Variants in SLC7A14 observed in about 807,000 individuals in gnomAD.
The protein encoded by SLC7A14 is gamma-aminobutyric acid transporter SLC7A14.
SLC7A14 carries 37 observed loss-of-function variants against 60.2 expected under a neutral mutation model. The ratio of observed to expected loss-of-function variants is 0.61; its 90% CI spans 0.47 to 0.81. SLC7A14 has a LOEUF of 0.81. Ranked by LOEUF, SLC7A14 falls within the 30% of genes least tolerant of loss-of-function variation. The probability of loss-of-function intolerance (pLI) is 0.00; values close to 1 mark genes in which losing one functional copy is unlikely to be tolerated. For missense variants in SLC7A14, 886 were observed against 982.7 expected (o/e 0.90, Z 1.32); for synonymous variants, 399 against 395.8 (o/e 1.01, Z -0.10).
chr3:170,570,693 T>G (rs11920566), intron 1 of SLC7A14, among the ~76,000 whole-genome samples: 1,755 of 152,268 alleles, frequency 0.012, 42 homozygotes, highest in African/African-American at 0.04. Context: ...TGGTAAAGTA[T>G]TTCATTGTGG....
At chr3:170,526,454 A>G (rs1441837603) in intron 2 of SLC7A14, among the ~76,000 whole-genome samples, 179 bp downstream of exon 2, 1 of 151,894 alleles carries the variant, frequency 6.6e-6, no homozygotes, top group African/African-American at 2.4e-5. Flanking sequence ...GGAAGCTACT[A>G]TAATTAAGTC....
chr3:170,497,773 C>T lies in SLC7A14; in HGVS notation c.759+894G>A, dbSNP rs544526264. ...TCCTAGAGAAAGAAACCAGGTGCAACTCACAGCCACTTGTCAGTATAAAGA... is the reference window on the plus strand; with the variant it reads ...TCCTAGAGAAAGAAACCAGGTGCAATTCACAGCCACTTGTCAGTATAAAGA... On this transcript the variant is annotated intron_variant, in intron 4 of 7. Transcript: ENST00000231706. Among the ~76,000 whole-genome samples, 8 of 152,348 alleles carry T rather than the reference C, an allele frequency of 5.3e-5. No individual in the cohort carries two copies. The East Asian group carries it at 1.5e-3, about 29-fold the overall frequency.
chr3:170,517,148 A>G (rs572695729), intron 2 of SLC7A14, among the ~76,000 whole-genome samples: 1 of 152,350 alleles, frequency 6.6e-6, no homozygotes, highest in Admixed American at 6.5e-5. Context: ...TTGCCTAATA[A>G]CAATAAAACT....
intron 2 of SLC7A14, among the ~76,000 whole-genome samples, chr3:170,511,147 T>C (rs1036238908): frequency 2.0e-5 from 3 of 152,168 alleles, no homozygotes; most frequent in Non-Finnish European, 4.4e-5. Context: ...CTCACGCTTG[T>C]AATCCCAGCA....
chr3:170,482,903 CTT>C (rs112513805), intron 6 of SLC7A14, among the ~76,000 whole-genome samples: 3 of 144,276 alleles, frequency 2.1e-5, no homozygotes, highest in Admixed American at 6.9e-5. Context: ...TCTTTGTTGA[CTT>C]TTTTTTTTTT....
At chr3:170,548,506 G>A (rs988129341) in intron 1 of SLC7A14, among the ~76,000 whole-genome samples, 2 of 152,144 alleles carry the variant, frequency 1.3e-5, no homozygotes, top group African/African-American at 4.8e-5. Flanking sequence ...CCCACCTCTG[G>A]GTCTTCACAG....
intron 5 of SLC7A14, among the ~76,000 whole-genome samples, chr3:170,485,571 C>T (rs1712000755): frequency 6.6e-6 from 1 of 152,094 alleles, no homozygotes; most frequent in African/African-American, 2.4e-5. Context: ...GGGATGGGAG[C>T]TCCGAGAGCA....
In SLC7A14 at chr3:170,463,645, C is replaced by A. The variant is rs7648588; in HGVS notation, c.*3410G>T. ...TGATCCTCCTCCCTCAGTCTCTCAA[C>A]TATCTGGGATCATAGGCACATGCCA... On this transcript the variant is annotated 3_prime_UTR_variant, in exon 8 of 8. Transcript: ENST00000231706. 53,384 of 152,156 alleles carry A rather than the reference C, an allele frequency of 0.35. 10,753 individuals carry two copies. Among genetic ancestry groups the A allele is most frequent in the Non-Finnish European group, 0.46 (31,537 of 68,048 alleles). The allele number at this position is 152,156 out of a possible 1,614,324, so 9.4% of individuals were successfully genotyped here. A position where few individuals can be genotyped will look rare whatever the true frequency, so the allele number is the denominator to read the frequency against.
intron 4 of SLC7A14, among the ~76,000 whole-genome samples, chr3:170,491,880 A>G (rs893219091): frequency 6.6e-6 from 1 of 152,202 alleles, no homozygotes; most frequent in Non-Finnish European, 1.5e-5. Context: ...ATGGAGAAGA[A>G]AGACCAACAC....
intron 2 of SLC7A14, among the ~76,000 whole-genome samples, chr3:170,523,424 G>T (rs1001807707): frequency 2.6e-5 from 4 of 151,918 alleles, no homozygotes; most frequent in Non-Finnish European, 5.9e-5. Flanking sequence ...AATTTCTACC[G>T]ATTCCACCAC....
At chr3:170,505,349 G>T (rs187088764) in intron 2 of SLC7A14, among the ~76,000 whole-genome samples, 553 of 152,276 alleles carry the variant, frequency 3.6e-3, no homozygotes, top group Middle Eastern at 0.02. Flanking sequence ...TGACGACTTC[G>T]TTGCGTCTCC....
intron 7 of SLC7A14, among the ~76,000 whole-genome samples, chr3:170,473,573 C>T (rs1711513574): frequency 6.6e-6 from 1 of 152,192 alleles, no homozygotes; most frequent in Admixed American, 6.5e-5. Context: ...TTTATTTTGA[C>T]TACTCTGGGA....
At chr3:170,545,980 G>A (rs1397796454) in intron 1 of SLC7A14, among the ~76,000 whole-genome samples, 2 of 152,178 alleles carry the variant, frequency 1.3e-5, no homozygotes, top group African/African-American at 4.8e-5. Flanking sequence ...ACTTATCTGA[G>A]CAGGAAACCC....
chr3:170,564,802 G>C (rs1028784003), intron 1 of SLC7A14, among the ~76,000 whole-genome samples: 2 of 152,190 alleles, frequency 1.3e-5, no homozygotes, highest in Admixed American at 1.3e-4. Flanking sequence ...CTAGGTGATG[G>C]GGGTGGACCA....
chr3:170,467,313 C>T lies in SLC7A14; in HGVS notation c.2058G>A (p.Glu686=), dbSNP rs774814187. Residue 686 remains glutamate (E), a synonymous_variant, in exon 8 of 8, where the codon GAG becomes GAA. Coordinates refer to ENST00000231706, the MANE Select transcript of SLC7A14 (RefSeq NM_020949.3). ...GTTGGTACGTGCTTTGGTGCAGGGC[C>T]TCTTCTCGAGCGCTGATTTCCAGGG... ...NSTLEISARE[E]ALHQSTYQRY... 58 of 1,613,764 alleles carry T rather than the reference C, an allele frequency of 3.6e-5. No homozygotes were observed. Among genetic ancestry groups the T allele is most frequent in the Non-Finnish European group, 4.6e-5 (54 of 1,179,908 alleles).
chr3:170,483,319 A>G lies in SLC7A14; in HGVS notation c.1110T>C (p.Leu370=). The change falls in exon 6 of 8, where the codon CTT becomes CTC. Residue 370 remains leucine (L), a synonymous_variant. Transcript: ENST00000231706. The part of the protein sequence containing the change: ...VIYAMAGDGL[L]FRFLAHVSSY... ...TCATGGAGCATAGCCCTTACCTGAA[A>G]AGGAGCCCGTCACCAGCCATGGCAT... 1 of 1,614,066 alleles carries G rather than the reference A, an allele frequency of 6.2e-7. No homozygotes were observed. The highest frequency in any genetic ancestry group is 8.5e-7 in the Non-Finnish European group (1 of 1,179,956).
In SLC7A14 at chr3:170,486,229, T is replaced by C. The variant is rs1299172946; in HGVS notation, c.899A>G (p.Tyr300Cys). The change falls in exon 5 of 8, where the codon TAT (tyrosine) becomes TGT (cysteine). Residue 300 changes from tyrosine (Y) to cysteine (C), a missense_variant. Physicochemically the swap from Tyr to Cys is radical, Grantham distance 194. Coordinates refer to ENST00000231706, the MANE Select transcript of SLC7A14 (RefSeq NM_020949.3). ...TASLVICLTA[Y>C]VSVSVILTLM... ...CAAGCATCTGGTACTTACAGACACA[T>C]ATGCTGTCAGGCAGATGACCAGGGA... is the stretch of plus-strand genomic sequence containing the variant. The C allele has an allele frequency of 1.9e-6, 3 of 1,613,944 alleles. No individual in the cohort carries two copies. The highest frequency in any genetic ancestry group is 2.5e-6 in the Non-Finnish European group (3 of 1,180,002).
intron 4 of SLC7A14, among the ~76,000 whole-genome samples, chr3:170,497,087 CAAAAAAAAAAAAAA>C (rs548290941): frequency 1.1e-4 from 10 of 94,280 alleles, no homozygotes; most frequent in East Asian, 3.5e-4. Context: ...TTATTTTGTC[CAAAAAAAAAAAAAA>C]AAAAAAAAAG....
intron 2 of SLC7A14, among the ~76,000 whole-genome samples, chr3:170,509,779 T>C (rs910700457): frequency 2.0e-5 from 3 of 146,906 alleles, no homozygotes; most frequent in African/African-American, 7.7e-5. Flanking sequence ...ACCTTGTCTC[T>C]ACGAAAAATA....
Sources: allele counts gnomAD v4.1 joint callset (sites outside exome capture counted in the v4.1 genomes callset), GRCh38; gene constraint gnomAD v4.1.1; transcripts MANE v1.5; gene names NCBI Gene and HGNC (gene_info 2026-07-23, HGNC 2026-07-21).